SYTL2: variants seen among roughly 807,000 people sequenced by gnomAD.
SYTL2 encodes the protein synaptotagmin like 2.
SYTL2 carries 165 observed loss-of-function variants against 198.7 expected under a neutral mutation model. The observed-to-expected ratio is 0.83, with a 90% CI of 0.73 to 0.94. The LOEUF is 0.94. Ranked by LOEUF, SYTL2 falls within the 40% of genes least tolerant of loss-of-function variation. SYTL2 has a pLI of 0.00. For synonymous variants in SYTL2, 966 were observed against 917.7 expected (o/e 1.05, Z -0.95); for missense variants, 2,835 against 2,582.8 (o/e 1.10, Z -2.12).
chr11:85,772,419 T>C (rs938991559), intron 1 of SYTL2, among the ~76,000 whole-genome samples: 15 of 152,238 alleles, frequency 9.9e-5, no homozygotes, highest in Admixed American at 6.5e-5. Flanking sequence ...TCTGACTTGC[T>C]ATCTATGAAG....
chr11:85,717,403 T>C, intron 11 of SYTL2, 80 bp downstream of exon 11: 1 of 1,198,136 alleles, frequency 8.3e-7, no homozygotes, highest in Admixed American at 1.7e-5. Context: ...ACTGTGTTAT[T>C]AATGGGGTTA....
At chr11:85,786,652 C>T (rs560014951) in intron 1 of SYTL2, among the ~76,000 whole-genome samples, 41 of 152,202 alleles carry the variant, frequency 2.7e-4, no homozygotes, top group African/African-American at 9.2e-4. Context: ...CATGGCAGGT[C>T]GAGAGAGGGG....
chr11:85,695,150 C>A lies in SYTL2; in HGVS notation c.*45G>T. The A allele has an allele frequency of 6.4e-7, 1 of 1,566,564 alleles. No homozygotes were observed. The highest frequency in any genetic ancestry group is 8.7e-7 in the Non-Finnish European group (1 of 1,152,746). On this transcript the variant is annotated 3_prime_UTR_variant, in exon 20 of 20. Coordinates refer to ENST00000359152, the MANE Select transcript of SYTL2 (RefSeq NM_206927.4). Reference sequence around the variant, plus strand: ...TACTCAGATTTTCAAGATCAGATTCCACCGGTTTAGTAGTTTTCAGTGGAG... The same window carrying A: ...TACTCAGATTTTCAAGATCAGATTCAACCGGTTTAGTAGTTTTCAGTGGAG...
At position 85,725,429 on chromosome 11, in the gene SYTL2, T is replaced by G. The variant is rs2089004385; in HGVS notation, c.3929A>C (p.Asp1310Ala). Residue 1310 changes from aspartate (D) to alanine (A), a missense_variant, in exon 8 of 20, where the codon GAT becomes GCT. Asp to Ala is a moderately radical substitution (Grantham distance 126). This residue lies in a region of SYTL2 where 2,645 missense variants were observed against 2,381.7 expected (regional missense o/e 1.11). Transcript: ENST00000359152. ...QMAAEDSHPL[D>A]PTSQLSRKGS... ...CTTTCTGGAAAGCTGGGAAGTTGGA[T>G]CCAATGGATGAGAATCTTCTGCAGC... 6.2e-7 allele frequency: 1 copy of G among 1,613,954 alleles called. No individual in the cohort carries two copies. Among genetic ancestry groups the G allele is most frequent in the African/African-American group, 1.3e-5 (1 of 74,912 alleles).
rs1272532531 is a variant in SYTL2 at position 85,725,320 on chromosome 11, G to T, written c.4038C>A (p.His1346Gln). 1.2e-6 allele frequency: 2 copies of T among 1,614,054 alleles called. No homozygotes were observed. The highest frequency in any genetic ancestry group is 1.7e-5 in the Admixed American group (1 of 60,018). Residue 1346 changes from histidine to glutamine, a missense_variant, in exon 8 of 20, where the codon CAC becomes CAA. Coordinates refer to ENST00000359152, the MANE Select transcript of SYTL2 (RefSeq NM_206927.4). ...DAHLVPQARV[H>Q]PSQTEISETV... ...TCTCCGAAATTTCCGTTTGAGAAGG[G>T]TGTACCCTAGCCTGGGGAACAAGAT... is the stretch of plus-strand genomic sequence containing the variant.
the SYTL2 span, among the ~76,000 whole-genome samples, chr11:85,823,215 C>T: frequency 6.6e-6 from 1 of 152,212 alleles, no homozygotes; most frequent in African/African-American, 2.4e-5. Flanking sequence ...CAGTTTCTGA[C>T]ACATAGTAGG....
chr11:85,769,743 G>A (rs191073240), intron 1 of SYTL2, among the ~76,000 whole-genome samples: 31 of 152,280 alleles, frequency 2.0e-4, no homozygotes, highest in African/African-American at 7.0e-4. Context: ...AATGAAACAT[G>A]GGGTTTTATC....
Position 85,724,135 on chromosome 11 carries a change from T to C in SYTL2, c.5223A>G (p.Pro1741=), listed in dbSNP as rs2088766693. ...CTTCCTCTTTCTCTTGTTTCATATA[T>C]GGCGATGCTAGAGTCAATTCAACTT... is the stretch of plus-strand genomic sequence containing the variant. ...TSKVELTLAS[P]YMKQEKEEEK... Residue 1741 remains proline (P), a synonymous_variant, in exon 8 of 20, where the codon CCA becomes CCG. Coordinates refer to ENST00000359152, the MANE Select transcript of SYTL2 (RefSeq NM_206927.4). 1.9e-6 allele frequency: 3 copies of C among 1,598,408 alleles called. No homozygotes were observed. The highest frequency in any genetic ancestry group is 2.2e-5 in the East Asian group (1 of 44,594).
the SYTL2 span, among the ~76,000 whole-genome samples, chr11:85,838,456 T>G: frequency 2.4e-4 from 36 of 152,164 alleles, no homozygotes; most frequent in Admixed American, 7.9e-4. Context: ...AGAAAAGAGG[T>G]TGAATTGGCT....
At chr11:85,710,902 A>C (rs2086141337) in intron 13 of SYTL2, among the ~76,000 whole-genome samples, 1 of 152,118 alleles carries the variant, frequency 6.6e-6, no homozygotes, top group South Asian at 2.1e-4. Flanking sequence ...ACAACAAAAA[A>C]CCCCACAAAG....
chr11:85,714,718 C>A, intron 11 of SYTL2: 2 of 1,212,434 alleles, frequency 1.6e-6, no homozygotes, highest in Non-Finnish European at 1.0e-6. Context: ...AGGAGTTGAA[C>A]CAAATACAAA....
chr11:85,765,320 G>T (rs180692268), intron 1 of SYTL2, among the ~76,000 whole-genome samples: 15 of 151,986 alleles, frequency 9.9e-5, no homozygotes, highest in African/African-American at 3.6e-4. Context: ...CACTGCAACC[G>T]CCGCCTCCCA....
At chr11:85,703,732 C>T (rs1326502808) in intron 16 of SYTL2, among the ~76,000 whole-genome samples, 1 of 152,028 alleles carries the variant, frequency 6.6e-6, no homozygotes, top group Admixed American at 6.5e-5. Flanking sequence ...AAAACAATAA[C>T]GGTAATGTCT....
chr11:85,726,607 T>C lies in SYTL2; in HGVS notation c.2751A>G (p.Ala917=). ...TGTTTCTTCTAGAAGGCAAACTGTC[T>C]GCCACTTGTGATCTTTTTATAGGCT... ...KNEPIKRSQV[A]DSLPSRRNIT... is the part of the protein sequence containing the mutation. The change falls in exon 8 of 20, where the codon GCA becomes GCG. Residue 917 remains alanine, a synonymous_variant. Coordinates refer to ENST00000359152, the MANE Select transcript of SYTL2 (RefSeq NM_206927.4). 1 of 1,550,740 alleles carries C rather than the reference T, an allele frequency of 6.4e-7. No individual in the cohort carries two copies. The highest frequency in any genetic ancestry group is 8.7e-7 in the Non-Finnish European group (1 of 1,153,544).
At chr11:85,771,905 T>TAC (rs138308712) in intron 1 of SYTL2, among the ~76,000 whole-genome samples, 8,678 of 151,632 alleles carry the variant, frequency 0.057, 790 homozygotes, top group African/African-American at 0.19. Flanking sequence ...TATAGTTATA[T>TAC]ATATATATAT....
intron 4 of SYTL2, among the ~76,000 whole-genome samples, chr11:85,743,885 C>T (rs1015479869): frequency 2.8e-4 from 42 of 152,044 alleles, no homozygotes; most frequent in African/African-American, 1.0e-3. Context: ...TCTGTGGCAC[C>T]TGCTCCCTCC....
intron 2 of SYTL2, among the ~76,000 whole-genome samples, chr11:85,753,228 T>G (rs551996481): frequency 6.6e-6 from 1 of 152,006 alleles, no homozygotes; most frequent in African/African-American, 2.4e-5. Flanking sequence ...TCCTTAAAGG[T>G]GGGTCAGGGC....
intron 4 of SYTL2, among the ~76,000 whole-genome samples, chr11:85,740,546 T>C (rs1286010173): frequency 2.6e-5 from 4 of 152,234 alleles, no homozygotes; most frequent in Non-Finnish European, 4.4e-5. Context: ...GAATACAGAA[T>C]AGAGCCAGAT....
intron 6 of SYTL2, among the ~76,000 whole-genome samples, chr11:85,736,077 C>T (rs968708896): frequency 1.3e-5 from 2 of 152,202 alleles, no homozygotes; most frequent in African/African-American, 2.4e-5. Context: ...CGCTTTTGGG[C>T]GGCTGGGCTG....
Sources: allele counts gnomAD v4.1 joint callset (sites outside exome capture counted in the v4.1 genomes callset), GRCh38; gene constraint gnomAD v4.1.1; regional missense constraint gnomAD v4.1.1; transcripts MANE v1.5; gene names NCBI Gene and HGNC (gene_info 2026-07-23, HGNC 2026-07-21).